POLR3A: variants seen among roughly 807,000 people sequenced by gnomAD.
POLR3A encodes RNA polymerase III subunit A.
A neutral mutation model predicts 152.8 loss-of-function variants in POLR3A; 112 were observed. That is an observed-to-expected ratio of 0.73 (90% confidence interval 0.63 to 0.86). The LOEUF (loss-of-function observed/expected upper bound fraction) is 0.86. POLR3A is among the 40% of genes least tolerant of loss of function. The pLI is 0.00. For missense variants in POLR3A, 1,385 were observed against 1,743.1 expected (o/e 0.79, Z 3.66); for synonymous variants, 615 against 652.1 (o/e 0.94, Z 0.87).
chr10:78,004,736 T>G lies in POLR3A; in HGVS notation c.2227A>C (p.Thr743Pro). The change falls in exon 16 of 31, where the codon ACT becomes CCT. Residue 743 changes from threonine to proline, a missense_variant. Thr to Pro is a conservative substitution (Grantham distance 38). This residue lies in a region of POLR3A where 170 missense variants were observed against 231.2 expected (regional missense o/e 0.74). Coordinates refer to ENST00000372371, the MANE Select transcript of POLR3A (RefSeq NM_007055.4). Reference protein sequence around the residue: ...TGKLQQQPGCTAEETLEALIL... With the variant: ...TGKLQQQPGCPAEETLEALIL... The stretch of plus-strand genomic sequence containing the variant: ...CTCACCTCCAGGGTCTCCTCAGCAG[T>G]GCAGCCAGGCTGCTGCTGCAGCTTG... 1 of 1,613,666 alleles carries G rather than the reference T, an allele frequency of 6.2e-7. No individual in the cohort carries two copies. The highest frequency in any genetic ancestry group is 8.5e-7 in the Non-Finnish European group (1 of 1,179,878).
intron 16 of POLR3A, 36 bp downstream of exon 16, chr10:78,004,659 CCACCGTAGCCACTGTGCACGG>C (rs1188134033): frequency 7.2e-7 from 1 of 1,379,394 alleles, no homozygotes; most frequent in Non-Finnish European, 1.0e-6. Context: ...CCAGAGAGCA[CCACCGTAGCCACTGTGCACGG>C]CAAGTGGCGA....
At chr10:77,983,871 T>C in intron 26 of POLR3A, 49 bp downstream of exon 26, 1 of 1,160,564 alleles carries the variant, frequency 8.6e-7, no homozygotes, top group Non-Finnish European at 1.3e-6. Context: ...AGTACCTATC[T>C]TGGGACTAAC....
intron 16 of POLR3A, 132 bp from the exon 17 acceptor site, chr10:78,002,440 C>T (rs567954059): frequency 1.4e-6 from 1 of 731,410 alleles, no homozygotes; most frequent in Non-Finnish European, 2.5e-6. Flanking sequence ...GTAAATGTTT[C>T]AGAACCTTAG....
rs1847586455 is a variant in POLR3A at position 78,022,200 on chromosome 10, T to C, written c.830A>G (p.Asp277Gly). Reference sequence around the variant, plus strand: ...TTCTGTCAGTTTCATTGTCAGATCATCTTCATTGGTGCCAGACTTCAAATC... The same window carrying C: ...TTCTGTCAGTTTCATTGTCAGATCACCTTCATTGGTGCCAGACTTCAAATC... Reference protein sequence around the residue: ...VSDLKSGTNEDDLTMKLTEII... With the variant: ...VSDLKSGTNEGDLTMKLTEII... The change falls in exon 6 of 31, where the codon GAT becomes GGT. Residue 277 changes from aspartate (D) to glycine (G), a missense_variant. Asp to Gly is a moderately conservative substitution (Grantham distance 94). Around this residue, in one of 7 missense-constraint regions of POLR3A, gnomAD observed 493 missense variants for 647.5 expected, o/e 0.76. Transcript: ENST00000372371. 1 of 1,614,232 alleles carries C rather than the reference T, an allele frequency of 6.2e-7. No individual in the cohort carries two copies. The highest frequency in any genetic ancestry group is 8.5e-7 in the Non-Finnish European group (1 of 1,180,024).
rs571793676 is a variant in POLR3A at position 77,984,150 on chromosome 10, T to G, written c.3336+55A>C. The G allele has an allele frequency of 1.2e-5, 16 of 1,325,528 alleles. No individual in the cohort carries two copies. In the African/African-American group the frequency reaches 2.2e-4, roughly 18 times the overall value. 82.1% of individuals were successfully genotyped at this position (1,325,528 alleles called of 1,614,324 possible). On this transcript the variant is annotated intron_variant, in intron 25 of 30. Coordinates refer to ENST00000372371, the MANE Select transcript of POLR3A (RefSeq NM_007055.4). ...ATAGATGGCAGCTGATTTTTACACT[T>G]CCTTGCAACATTGCTGAGCTAGTTT...
At chr10:77,998,678 T>C (rs1225309729) in intron 19 of POLR3A, among the ~76,000 whole-genome samples, 1 of 152,134 alleles carries the variant, frequency 6.6e-6, no homozygotes, top group Admixed American at 6.5e-5. Context: ...TGTGGAGAAA[T>C]AGGAACACTT....
chr10:78,010,321 G>A (rs1488755057), intron 12 of POLR3A, 150 bp downstream of exon 12: 14 of 717,126 alleles, frequency 2.0e-5, no homozygotes, highest in Non-Finnish European at 2.7e-5. Flanking sequence ...AAAAACCCAC[G>A]GGGAGGTTCA....
chr10:77,999,768 G>A (rs1847337793), intron 19 of POLR3A, among the ~76,000 whole-genome samples: 1 of 152,110 alleles, frequency 6.6e-6, no homozygotes, highest in Non-Finnish European at 1.5e-5. Flanking sequence ...CGTGGCTCTG[G>A]CCTGGTCTTG....
intron 21 of POLR3A, among the ~76,000 whole-genome samples, chr10:77,990,486 G>C (rs544044352): frequency 2.3e-4 from 35 of 152,174 alleles, no homozygotes; most frequent in African/African-American, 8.2e-4. Context: ...CTTCTAACAG[G>C]GGAAAAAAAC....
At chr10:78,013,464 G>A (rs2131952323) in intron 11 of POLR3A, 186 bp downstream of exon 11, 2 of 646,934 alleles carry the variant, frequency 3.1e-6, no homozygotes, top group South Asian at 1.8e-5. Context: ...ATTTCTAAGA[G>A]ATTCTTCAAA....
chr10:77,987,881 C>T (rs533947585), intron 21 of POLR3A, among the ~76,000 whole-genome samples: 2 of 152,342 alleles, frequency 1.3e-5, no homozygotes, highest in African/African-American at 4.8e-5. Context: ...GCCCCACCAC[C>T]CTAGAGCAGA....
In POLR3A at chr10:78,021,612, G is replaced by C. The variant is rs752293636; in HGVS notation, c.1119C>G (p.Pro373=). The change falls in exon 8 of 31, where the codon CCC becomes CCG. Residue 373 remains proline, a synonymous_variant. Transcript: ENST00000372371. ...CAGCTACCTCATCAATCCGGAGGTT[G>C]GGGTCGGGCGAGATGACTGTTCTGC... ...FSGRTVISPD[P]NLRIDEVAVP... is the part of the protein sequence containing the mutation. 2 of 1,614,118 alleles carry C rather than the reference G, an allele frequency of 1.2e-6. No individual in the cohort carries two copies. The highest frequency in any genetic ancestry group is 3.3e-5 in the Admixed American group (2 of 60,008).
intron 9 of POLR3A, among the ~76,000 whole-genome samples, chr10:78,017,981 C>T (rs1004486168): frequency 6.6e-6 from 1 of 151,264 alleles, no homozygotes; most frequent in African/African-American, 2.4e-5. Flanking sequence ...TGAGAACAGA[C>T]TGGGCAACAT....
At chr10:77,998,040 C>T (rs1847319454) in intron 19 of POLR3A, among the ~76,000 whole-genome samples, 1 of 152,202 alleles carries the variant, frequency 6.6e-6, no homozygotes, top group South Asian at 2.1e-4. Context: ...CTGAGAAAAA[C>T]AAGCAATGGG....
Position 78,025,079 on chromosome 10 carries a change from A to G in POLR3A, c.382T>C (p.Tyr128His), listed in dbSNP as rs1403723586. Residue 128 changes from tyrosine (Y) to histidine (H), a missense_variant, in exon 4 of 31, where the codon TAT becomes CAT. Transcript: ENST00000372371. ...SQEEKKQFLD[Y>H]LKRPGLTYLQ... Reference sequence around the variant, plus strand: ...TAGGTCAGGCCGGGCCTCTTTAGATAGTCCAGAAACTGCTTCTTCTCCTCT... The same window carrying G: ...TAGGTCAGGCCGGGCCTCTTTAGATGGTCCAGAAACTGCTTCTTCTCCTCT... 7 of 1,614,214 alleles carry G rather than the reference A, an allele frequency of 4.3e-6. No homozygotes were observed. Among genetic ancestry groups the G allele is most frequent in the Non-Finnish European group, 5.9e-6 (7 of 1,180,014 alleles).
chr10:78,010,103 C>G (rs755975239), intron 12 of POLR3A, 112 bp from the exon 13 acceptor site: 4 of 1,366,992 alleles, frequency 2.9e-6, no homozygotes, highest in Non-Finnish European at 4.0e-6. Context: ...TGAATTGAAA[C>G]AAACAGCTGC....
At chr10:78,024,433 T>C (rs565961476) in intron 5 of POLR3A, 116 bp downstream of exon 5, 5 of 1,012,118 alleles carry the variant, frequency 4.9e-6, no homozygotes, top group Non-Finnish European at 7.6e-6. Context: ...CCTCTCATTT[T>C]GGAAGAAAGT....
chr10:77,985,117 C>T, intron 24 of POLR3A, 53 bp downstream of exon 24: 1 of 1,450,930 alleles, frequency 6.9e-7, no homozygotes, highest in Non-Finnish European at 9.7e-7. Flanking sequence ...ATCATTGTTT[C>T]TCAGGAAACA....
intron 19 of POLR3A, among the ~76,000 whole-genome samples, chr10:77,995,504 G>A (rs1274828658): frequency 6.6e-6 from 1 of 151,924 alleles, no homozygotes; most frequent in Non-Finnish European, 1.5e-5. Context: ...AGGCAGGGGT[G>A]GCAATCCTAG....
Sources: allele counts gnomAD v4.1 joint callset (sites outside exome capture counted in the v4.1 genomes callset), GRCh38; gene constraint gnomAD v4.1.1; regional missense constraint gnomAD v4.1.1; transcripts MANE v1.5; gene names NCBI Gene and HGNC (gene_info 2026-07-23, HGNC 2026-07-21).